Variants in POLA1 observed in about 807,000 individuals in gnomAD.
The protein encoded by POLA1 is DNA polymerase alpha catalytic subunit.
A neutral mutation model predicts 124.0 loss-of-function variants in POLA1; 15 were observed. That is an observed-to-expected ratio of 0.12 (90% confidence interval 0.08 to 0.19). The LOEUF is 0.19. Among genes scored for constraint, POLA1 ranks in the 10% least tolerant of loss-of-function variants. POLA1 has a pLI of 1.00. For missense variants in POLA1, 886 were observed against 1,103.4 expected (o/e 0.80, Z 2.79); for synonymous variants, 408 against 389.4 (o/e 1.05, Z -0.56).
intron 36 of POLA1, among the ~76,000 whole-genome samples, chrX:24,962,521 A>G (rs2048179318): frequency 8.9e-6 from 1 of 112,118 alleles, no homozygotes; most frequent in Admixed American, 9.5e-5. Context: ...TAGGCATCAC[A>G]GTAAGGATAA....
intron 3 of POLA1, among the ~76,000 whole-genome samples, chrX:24,703,763 A>G (rs779248407): frequency 8.9e-6 from 1 of 111,971 alleles, no homozygotes; most frequent in East Asian, 2.8e-4. Flanking sequence ...TTCATCTGTA[A>G]TATGGGGATG....
chrX:24,711,279 C>T (rs1199766939), intron 4 of POLA1, among the ~76,000 whole-genome samples: 5 of 112,610 alleles, frequency 4.4e-5, no homozygotes, highest in South Asian at 3.6e-4. Flanking sequence ...CCACGGTGCC[C>T]GGCCCCTTTT....
chrX:24,713,272 C>G (rs1251023537), intron 4 of POLA1, among the ~76,000 whole-genome samples: 1 of 109,443 alleles, frequency 9.1e-6, no homozygotes, highest in African/African-American at 3.4e-5. Flanking sequence ...CTACCACATT[C>G]TTTCAATTAT....
chrX:24,723,312 C>G, intron 11 of POLA1, 45 bp downstream of exon 11: 1 of 820,766 alleles, frequency 1.2e-6, no homozygotes. Context: ...GTTGTATCTG[C>G]CACACATTCT....
intron 36 of POLA1, among the ~76,000 whole-genome samples, chrX:24,980,684 T>C (rs2048411549): frequency 9.0e-6 from 1 of 110,810 alleles, no homozygotes; most frequent in South Asian, 3.9e-4. Context: ...TTTTTCATCT[T>C]TAGGATAATG....
intron 4 of POLA1, among the ~76,000 whole-genome samples, chrX:24,709,990 C>T (rs1170153954): frequency 1.1e-5 from 1 of 95,175 alleles, no homozygotes; most frequent in Non-Finnish European, 2.1e-5. Context: ...GACGGGGTGG[C>T]GGCCGGGCAG....
chrX:24,837,258 C>G (rs2046352578), intron 32 of POLA1, among the ~76,000 whole-genome samples: 1 of 112,031 alleles, frequency 8.9e-6, no homozygotes, highest in Non-Finnish European at 1.9e-5. Flanking sequence ...CAGTCAGCAC[C>G]TCTGTTATAG....
intron 36 of POLA1, among the ~76,000 whole-genome samples, chrX:24,955,335 C>T (rs1390401657): frequency 9.3e-6 from 1 of 107,738 alleles, no homozygotes; most frequent in Non-Finnish European, 1.9e-5. Flanking sequence ...CCACCCCCAC[C>T]AGCTAATTCT....
Position 24,757,436 on chromosome X carries a change from CTTTTT to C in POLA1, c.2964+8461_2964+8465del, listed in dbSNP as rs66782103. Among the ~76,000 whole-genome samples the C allele has an allele frequency of 5.5e-4, 34 of 62,123 alleles. 1 individual carries two copies. Among genetic ancestry groups the C allele is most frequent in the South Asian group, 8.1e-4 (1 of 1,234 alleles). The allele number at this position is 62,123 out of a possible 115,157, so 53.9% of individuals were successfully genotyped here. A position where few individuals can be genotyped will look rare whatever the true frequency, so the allele number is the denominator to read the frequency against. On this transcript the variant is annotated intron_variant, in intron 26 of 36. Transcript: ENST00000379068. ...ATCTGAAATGCTCCAAAATCTGAAA[CTTTTT>C]TTTTTTTTTTTTTTTTGAGACAGAG...
In POLA1 at chrX:24,833,562, AT is replaced by A. The variant is rs924442308; in HGVS notation, c.3736+6970del. ...TTTTACCACATCCATACCAACATCT[AT>A]TTTTTTTTAATTTTTTGATTATGGC... On this transcript the variant is annotated intron_variant, in intron 32 of 36. Transcript: ENST00000379068. Among the ~76,000 whole-genome samples the A allele has an allele frequency of 3.7e-5, 4 of 109,227 alleles. No homozygotes were observed. In the South Asian group the frequency reaches 1.2e-3, roughly 32 times the overall value. 94.9% of individuals were successfully genotyped at this position (109,227 alleles called of 115,157 possible). A position where few individuals can be genotyped will look rare whatever the true frequency, so the allele number is the denominator to read the frequency against.
At chrX:24,936,202 A>AT (rs1249294475) in intron 36 of POLA1, among the ~76,000 whole-genome samples, 1 of 112,367 alleles carries the variant, frequency 8.9e-6, no homozygotes, top group South Asian at 3.7e-4. Context: ...AAAAGGTAGT[A>AT]TTTTTTAAGC....
chrX:24,949,715 T>A (rs2048010038), intron 36 of POLA1, among the ~76,000 whole-genome samples: 1 of 109,640 alleles, frequency 9.1e-6, no homozygotes, highest in Non-Finnish European at 1.9e-5. Context: ...TTTTCTTTTC[T>A]TTTTCTTTTT....
intron 32 of POLA1, among the ~76,000 whole-genome samples, chrX:24,833,623 GGGT>G (rs1356206877): frequency 9.0e-6 from 1 of 111,562 alleles, no homozygotes; most frequent in African/African-American, 3.3e-5. Flanking sequence ...TTTAGAAGGT[GGGT>G]GGTTAGGGAC....
rs185817338 is a variant in POLA1 at position 24,713,009 on chromosome X, C to T, written c.347-1545C>T. Among the ~76,000 whole-genome samples, 693 of 110,306 alleles carry T rather than the reference C, an allele frequency of 6.3e-3. 20 individuals carry two copies. The East Asian group carries it at 0.097, about 15-fold the overall frequency. ...TCTTGCTCTGTTGCCCAGGCTGGAGCGCTGGAGTGCAATGGCATGATCTCG... is the reference window on the plus strand; with the variant it reads ...TCTTGCTCTGTTGCCCAGGCTGGAGTGCTGGAGTGCAATGGCATGATCTCG... On this transcript the variant is annotated intron_variant, in intron 4 of 36. Transcript: ENST00000379068.
At chrX:24,852,403 C>T (rs866613872) in intron 34 of POLA1, among the ~76,000 whole-genome samples, 15 of 110,141 alleles carry the variant, frequency 1.4e-4, no homozygotes, top group African/African-American at 4.0e-4. Flanking sequence ...TTCTGCCTCC[C>T]GGGTTCAAGC....
chrX:24,892,231 C>A (rs1428013843), intron 35 of POLA1, among the ~76,000 whole-genome samples: 2 of 110,618 alleles, frequency 1.8e-5, no homozygotes, highest in Admixed American at 9.7e-5. Flanking sequence ...CATATATTCC[C>A]TGAGTATTTT....
At position 24,833,820 on chromosome X, in the gene POLA1, G is replaced by A. The variant is rs773602206; in HGVS notation, c.3736+7219G>A. 4.4e-5 allele frequency among the ~76,000 whole-genome samples: 5 copies of A among 112,545 alleles called. No individual in the cohort carries two copies. In the East Asian group the frequency reaches 1.4e-3, roughly 31 times the overall value. On this transcript the variant is annotated intron_variant, in intron 32 of 36. Coordinates refer to ENST00000379068, the MANE Select transcript of POLA1 (RefSeq NM_001330360.2). Reference sequence around the variant, plus strand: ...AGGAAAGGAAGGCCAGGTACCGTGCGTGGCTCACGCCTGTAATCCCAACAC... The same window carrying A: ...AGGAAAGGAAGGCCAGGTACCGTGCATGGCTCACGCCTGTAATCCCAACAC...
At chrX:24,748,230 G>A in intron 24 of POLA1, 81 bp from the exon 25 acceptor site, 8 of 667,957 alleles carry the variant, frequency 1.2e-5, no homozygotes, top group Non-Finnish European at 1.8e-5. Context: ...TGATCATGGG[G>A]GAAAGCTCCT....
At chrX:24,946,313 G>A (rs1465277604) in intron 36 of POLA1, among the ~76,000 whole-genome samples, 2 of 111,906 alleles carry the variant, frequency 1.8e-5, no homozygotes, top group Non-Finnish European at 3.8e-5. Context: ...GATGGTAGTA[G>A]TAGAGGGTTT....
Sources: gnomAD v4.1 joint callset for allele counts (sites outside exome capture counted in the v4.1 genomes callset) on GRCh38, gnomAD v4.1.1 for gene constraint, MANE v1.5 for transcripts, NCBI Gene and HGNC (gene_info 2026-07-23, HGNC 2026-07-21) for gene names.